IQUB: variants seen among roughly 807,000 people sequenced by gnomAD.
IQUB encodes IQ motif and ubiquitin domain containing, also known as IQ motif and ubiquitin-like domain-containing protein.
A neutral mutation model predicts 86.4 loss-of-function variants in IQUB; 86 were observed. The ratio of observed to expected loss-of-function variants is 1.00; its 90% CI spans 0.84 to 1.19. IQUB has a LOEUF of 1.19. Among genes scored for constraint, IQUB ranks in the 50% most tolerant of loss-of-function variants. The pLI is 0.00. For synonymous variants in IQUB, 289 were observed against 304.5 expected (o/e 0.95, Z 0.53); for missense variants, 946 against 916.9 (o/e 1.03, Z -0.41).
At chr7:123,470,856 AAAAAAAG>A (rs1266774335) in intron 8 of IQUB, among the ~76,000 whole-genome samples, 1 of 152,078 alleles carries the variant, frequency 6.6e-6, no homozygotes, top group Non-Finnish European at 1.5e-5. Flanking sequence ...GTCTCAAAAA[AAAAAAAG>A]AAAAAAGAAA....
intron 3 of IQUB, among the ~76,000 whole-genome samples, chr7:123,504,675 G>A (rs1213987882): frequency 6.6e-6 from 1 of 152,004 alleles, no homozygotes; most frequent in Non-Finnish European, 1.5e-5. Context: ...GGGGAAATCC[G>A]CACCCATGAT....
chr7:123,467,230 G>C (rs1328322536), intron 9 of IQUB, among the ~76,000 whole-genome samples: 1 of 151,928 alleles, frequency 6.6e-6, no homozygotes, highest in Non-Finnish European at 1.5e-5. Context: ...AATAACAGTA[G>C]GGTTTCCCTT....
At chr7:123,522,271 G>A (rs1178382836) in intron 1 of IQUB, among the ~76,000 whole-genome samples, 6 of 152,182 alleles carry the variant, frequency 3.9e-5, no homozygotes, top group Admixed American at 6.5e-5. Flanking sequence ...GGACTGGGTG[G>A]GGCTTGGGAA....
chr7:123,482,801 T>A (rs1352023641), intron 7 of IQUB, among the ~76,000 whole-genome samples: 1 of 152,142 alleles, frequency 6.6e-6, no homozygotes, highest in Non-Finnish European at 1.5e-5. Flanking sequence ...CCATTCTTCA[T>A]GACTAAAGAT....
intron 6 of IQUB, chr7:123,502,340 G>A (rs1795983522): frequency 4.6e-6 from 2 of 437,740 alleles, no homozygotes; most frequent in African/African-American, 2.1e-5. Context: ...TGTTGAGAAG[G>A]CTAATAATGG....
intron 8 of IQUB, among the ~76,000 whole-genome samples, chr7:123,474,117 G>C (rs1794654297): frequency 6.6e-6 from 1 of 152,078 alleles, no homozygotes; most frequent in African/African-American, 2.4e-5. Context: ...ATAAAATATT[G>C]TTTCAATAAA....
intron 12 of IQUB, chr7:123,457,108 C>A: frequency 1.1e-6 from 1 of 927,626 alleles, no homozygotes; most frequent in African/African-American, 1.8e-5. Flanking sequence ...TCACTGCCTT[C>A]ATGGAATTTA....
intron 11 of IQUB, among the ~76,000 whole-genome samples, chr7:123,459,083 G>T (rs971942791): frequency 5.9e-5 from 9 of 151,936 alleles, no homozygotes; most frequent in Admixed American, 2.0e-4. Context: ...AATTACAAGG[G>T]GGGGGAAGCT....
chr7:123,523,695 C>T (rs1797026910), intron 1 of IQUB, among the ~76,000 whole-genome samples: 1 of 151,896 alleles, frequency 6.6e-6, no homozygotes, highest in Non-Finnish European at 1.5e-5. Flanking sequence ...TGTGCAGAAG[C>T]TCTTTAGTTT....
intron 7 of IQUB, among the ~76,000 whole-genome samples, chr7:123,481,930 AATAAG>A (rs1457251094): frequency 6.6e-6 from 1 of 152,124 alleles, no homozygotes; most frequent in Non-Finnish European, 1.5e-5. Flanking sequence ...TTCTGTTGAA[AATAAG>A]ATAATTTTGT....
At chr7:123,468,920 G>GA (rs1163377196) in intron 9 of IQUB, among the ~76,000 whole-genome samples, 4 of 152,050 alleles carry the variant, frequency 2.6e-5, no homozygotes, top group African/African-American at 9.7e-5. Context: ...ATTTTTCACT[G>GA]AAAAATGTCA....
rs1237726911 is a variant in IQUB, at chr7:123,479,877, T to C, written c.1328A>G (p.Gln443Arg). ...ALCELLEKET[Q>R]IIASIGRHRY... Reference sequence around the variant, plus strand: ...ATGTCTCCCAATGGAAGCAATTATCTGAGTCTCTTTTTCCAGAAGTTCACA... The same window carrying C: ...ATGTCTCCCAATGGAAGCAATTATCCGAGTCTCTTTTTCCAGAAGTTCACA... Residue 443 changes from glutamine (Q) to arginine (R), a missense_variant, in exon 8 of 13, where the codon CAG becomes CGG. Physicochemically the swap from Gln to Arg is conservative, Grantham distance 43. Transcript: ENST00000324698. The C allele has an allele frequency of 6.2e-7, 1 of 1,612,980 alleles. No individual in the cohort carries two copies. Among genetic ancestry groups the C allele is most frequent in the Non-Finnish European group, 8.5e-7 (1 of 1,179,236 alleles).
At chr7:123,472,229 C>T (rs1267137989) in intron 8 of IQUB, among the ~76,000 whole-genome samples, 1 of 149,778 alleles carries the variant, frequency 6.7e-6, no homozygotes, top group African/African-American at 2.5e-5. Context: ...CAGTGCAAGA[C>T]CCCAACTCAA....
At chr7:123,489,343 G>A (rs145040636) in intron 7 of IQUB, among the ~76,000 whole-genome samples, 13 of 152,224 alleles carry the variant, frequency 8.5e-5, no homozygotes, top group African/African-American at 1.2e-4. Flanking sequence ...GTGAAGTGAT[G>A]TGCAGGTTTT....
At chr7:123,474,206 A>T (rs985216615) in intron 8 of IQUB, among the ~76,000 whole-genome samples, 4 of 152,252 alleles carry the variant, frequency 2.6e-5, no homozygotes, top group African/African-American at 9.6e-5. Context: ...TTTCCAAATT[A>T]AAGGAAAGTA....
At chr7:123,497,119 C>T (rs1461267562) in intron 6 of IQUB, among the ~76,000 whole-genome samples, 2 of 152,092 alleles carry the variant, frequency 1.3e-5, no homozygotes, top group Non-Finnish European at 2.9e-5. Flanking sequence ...AATATACCTT[C>T]CCAGAAGGAT....
Position 123,493,431 on chromosome 7 carries a change from T to C in IQUB, c.1234+3265A>G, listed in dbSNP as rs79496253. On this transcript the variant is annotated intron_variant, in intron 7 of 12. Coordinates refer to ENST00000324698, the MANE Select transcript of IQUB (RefSeq NM_178827.5). ...TTTTACTTGGTTTGTAAATTCTTTA[T>C]GAGGGAGAGAGAGATTGACTCTCAT... Among the ~76,000 whole-genome samples the C allele has an allele frequency of 3.5e-4, 53 of 152,240 alleles. 1 individual carries two copies. The East Asian group carries it at 5.2e-3, about 15-fold the overall frequency.
At chr7:123,461,880 A>C in intron 10 of IQUB, among the ~76,000 whole-genome samples, 1 of 151,858 alleles carries the variant, frequency 6.6e-6, no homozygotes, top group East Asian at 1.9e-4. Flanking sequence ...TTATAAAATT[A>C]ATTGACTGAA....
At chr7:123,504,876 T>C (rs1234272994) in intron 3 of IQUB, among the ~76,000 whole-genome samples, 1 of 152,122 alleles carries the variant, frequency 6.6e-6, no homozygotes, top group Non-Finnish European at 1.5e-5. Context: ...CAGCAATAAC[T>C]CTAAAGTCCA....
Sources: allele counts gnomAD v4.1 joint callset (sites outside exome capture counted in the v4.1 genomes callset), GRCh38; gene constraint gnomAD v4.1.1; transcripts MANE v1.5; gene names NCBI Gene and HGNC (gene_info 2026-07-23, HGNC 2026-07-21).